ZNF500: variants seen among roughly 807,000 people sequenced by gnomAD.
ZNF500 encodes the protein zinc finger protein with KRAB and SCAN domains 18.
ZNF500 carries 31 observed loss-of-function variants against 30.1 expected under a neutral mutation model. The ratio of observed to expected loss-of-function variants is 1.03; its 90% CI spans 0.77 to 1.39. ZNF500 has a LOEUF of 1.39. Among genes scored for constraint, ZNF500 ranks in the 40% most tolerant of loss-of-function variants. The pLI is 0.00. For synonymous variants in ZNF500, 392 were observed against 282.0 expected (o/e 1.39, Z -3.91); for missense variants, 817 against 657.8 (o/e 1.24, Z -2.65).
intron 5 of ZNF500, among the ~76,000 whole-genome samples, chr16:4,753,622 G>C (rs1227957110): frequency 6.6e-6 from 1 of 152,230 alleles, no homozygotes; most frequent in African/African-American, 2.4e-5. Flanking sequence ...CTAAGTTACA[G>C]AGTGAGGGCC....
intron 1 of ZNF500, 68 bp from the exon 2 acceptor site, chr16:4,766,144 G>T (rs2082263377): frequency 1.3e-6 from 1 of 744,752 alleles, no homozygotes; most frequent in Non-Finnish European, 2.0e-6. Context: ...GGCCTGGGAA[G>T]CCCCTGCCCT....
chr16:4,762,240 G>C (rs61199915), intron 4 of ZNF500, 31 bp downstream of exon 4: 17 of 1,606,078 alleles, frequency 1.1e-5, no homozygotes, highest in Non-Finnish European at 1.3e-5. Context: ...CCAGACCCCA[G>C]GATGCTGCAG....
chr16:4,746,706 C>A, downstream of ZNF500: 1 of 841,998 alleles, frequency 1.2e-6, no homozygotes, highest in Non-Finnish European at 1.8e-6. Context: ...TGAGGCACAC[C>A]TCCTCGGGCT....
chr16:4,754,586 C>T (rs1231957297), intron 5 of ZNF500, among the ~76,000 whole-genome samples: 1 of 151,396 alleles, frequency 6.6e-6, no homozygotes, highest in Non-Finnish European at 1.5e-5. Context: ...ATCGCTTGAA[C>T]TCGGGAGGCA....
rs2082052282 is a variant in ZNF500, at chr16:4,748,968, G to A, written c.*3408C>T. 6.6e-6 allele frequency: 1 copy of A among 152,334 alleles called. No individual in the cohort carries two copies. The highest frequency in any genetic ancestry group is 1.5e-5 in the Non-Finnish European group (1 of 68,108). 9.4% of individuals were successfully genotyped at this position (152,334 alleles called of 1,614,324 possible). A position where few individuals can be genotyped will look rare whatever the true frequency, so the allele number is the denominator to read the frequency against. Reference sequence around the variant, plus strand: ...CCGTGGTCACTGGCCGCCAAGATCAGGGCTACAGATGTCTGCTCTCTGGAC... The same window carrying A: ...CCGTGGTCACTGGCCGCCAAGATCAAGGCTACAGATGTCTGCTCTCTGGAC... On this transcript the variant is annotated 3_prime_UTR_variant, in exon 6 of 6. Coordinates refer to ENST00000219478, the MANE Select transcript of ZNF500 (RefSeq NM_021646.4).
rs532303256 is a variant in ZNF500, at chr16:4,757,374, A to C, written c.760+3118T>G. Among the ~76,000 whole-genome samples, 10 of 150,406 alleles carry C rather than the reference A, an allele frequency of 6.6e-5. No homozygotes were observed. In the South Asian group the frequency reaches 2.1e-3, roughly 32 times the overall value. The stretch of plus-strand genomic sequence containing the variant: ...GTTGCCCAGGCTGGAGTGCAGTGGT[A>C]TGATCACAGCTTACTGCAGCCTTGA... On this transcript the variant is annotated intron_variant, in intron 5 of 5. Transcript: ENST00000219478.
chr16:4,752,553 C>A lies in ZNF500; in HGVS notation c.1266G>T (p.Ser422=), dbSNP rs374416499. The change falls in exon 6 of 6, where the codon TCG becomes TCT. Residue 422 remains serine (S), a synonymous_variant. Coordinates refer to ENST00000219478, the MANE Select transcript of ZNF500 (RefSeq NM_021646.4). ...TQCGKRFNNS[S]HFSAHRRTHT... ...GCGTCCGGCGGTGGGCGCTGAAGTGCGAGCTGTTGTTGAAGCGCTTCCCGC... is the reference window on the plus strand; with the variant it reads ...GCGTCCGGCGGTGGGCGCTGAAGTGAGAGCTGTTGTTGAAGCGCTTCCCGC... 1 of 1,571,622 alleles carries A rather than the reference C, an allele frequency of 6.4e-7. No homozygotes were observed. Among genetic ancestry groups the A allele is most frequent in the Non-Finnish European group, 8.6e-7 (1 of 1,162,122 alleles).
chr16:4,761,132 G>A (rs2082194443), intron 4 of ZNF500, among the ~76,000 whole-genome samples: 1 of 152,100 alleles, frequency 6.6e-6, no homozygotes, highest in African/African-American at 2.4e-5. Context: ...GGGGTTTTCG[G>A]GGAGGGTCTA....
At chr16:4,744,797 T>C (rs1328911485), downstream of ZNF500, 27 of 1,523,684 alleles carry the variant, frequency 1.8e-5, no homozygotes, top group Admixed American at 4.6e-4. Flanking sequence ...CCAGGGGTCC[T>C]GAGGCTCCAG....
intron 4 of ZNF500, among the ~76,000 whole-genome samples, chr16:4,761,474 TACATACACACACACAC>T (rs1420062262): frequency 8.7e-5 from 3 of 34,408 alleles, no homozygotes; most frequent in Admixed American, 7.6e-4. Context: ...CAAATACACA[TACATACACACACACAC>T]ACACACACAC....
chr16:4,752,054 A>C lies in ZNF500; in HGVS notation c.*322T>G. 7.7e-7 allele frequency: 1 copy of C among 1,293,352 alleles called. No homozygotes were observed. The highest frequency in any genetic ancestry group is 9.8e-7 in the Non-Finnish European group (1 of 1,020,864). 80.1% of individuals were successfully genotyped at this position (1,293,352 alleles called of 1,614,324 possible). A position where few individuals can be genotyped will look rare whatever the true frequency, so the allele number is the denominator to read the frequency against. On this transcript the variant is annotated 3_prime_UTR_variant, in exon 6 of 6. Transcript: ENST00000219478. ...CTGGAGGCAGCTGATGGACCCTCCC[A>C]GGCCCTTCAGGAGCCAGCCCCACGA...
rs1026388208 is a variant in ZNF500, at chr16:4,751,887, G to A, written c.*489C>T. 2.1e-5 allele frequency: 5 copies of A among 239,970 alleles called. No individual in the cohort carries two copies. Among genetic ancestry groups the A allele is most frequent in the African/African-American group, 7.6e-5 (3 of 39,606 alleles). 14.9% of individuals were successfully genotyped at this position (239,970 alleles called of 1,614,324 possible). A position where few individuals can be genotyped will look rare whatever the true frequency, so the allele number is the denominator to read the frequency against. ...CATGGCACTGTATTCCCGCCTGGGGGACACAGCAAGGCCCCGTCTCAAAAA... is the reference window on the plus strand; with the variant it reads ...CATGGCACTGTATTCCCGCCTGGGGAACACAGCAAGGCCCCGTCTCAAAAA... On this transcript the variant is annotated 3_prime_UTR_variant, in exon 6 of 6. Coordinates refer to ENST00000219478, the MANE Select transcript of ZNF500 (RefSeq NM_021646.4).
At chr16:4,755,820 G>A (rs529205640) in intron 5 of ZNF500, among the ~76,000 whole-genome samples, 32 of 152,222 alleles carry the variant, frequency 2.1e-4, no homozygotes, top group African/African-American at 5.8e-4. Context: ...GTCCATCAAC[G>A]AAAATGGATC....
Position 4,750,458 on chromosome 16 carries a change from G to C in ZNF500, c.*1918C>G, listed in dbSNP as rs1317975934. 6.6e-6 allele frequency: 1 copy of C among 151,994 alleles called. No individual in the cohort carries two copies. The highest frequency in any genetic ancestry group is 1.5e-5 in the Non-Finnish European group (1 of 68,084). The allele number at this position is 151,994 out of a possible 1,614,324, so 9.4% of individuals were successfully genotyped here. On this transcript the variant is annotated 3_prime_UTR_variant, in exon 6 of 6. Transcript: ENST00000219478. ...TCCTCCAGCCTCAGCCTCTCAAGTA[G>C]CTGGGACTACAGGCACACCCCATCA... is the stretch of plus-strand genomic sequence containing the variant.
chr16:4,757,523 C>T (rs557601104), intron 5 of ZNF500, among the ~76,000 whole-genome samples: 7 of 152,112 alleles, frequency 4.6e-5, no homozygotes, highest in Non-Finnish European at 1.0e-4. Context: ...TGGTCTTGAA[C>T]TCCTGGACTC....
intron 5 of ZNF500, among the ~76,000 whole-genome samples, chr16:4,754,119 C>T (rs1467391758): frequency 6.6e-6 from 1 of 152,180 alleles, no homozygotes; most frequent in Non-Finnish European, 1.5e-5. Context: ...GCCTGGGGGG[C>T]TGGGGGAGCA....
intron 5 of ZNF500, 187 bp from the exon 6 acceptor site, chr16:4,753,245 G>C: frequency 9.1e-6 from 11 of 1,210,928 alleles, no homozygotes; most frequent in Non-Finnish European, 1.2e-5. Flanking sequence ...AGGATTGCTT[G>C]AGCCCAGGAG....
At chr16:4,759,444 A>T (rs1260217195) in intron 5 of ZNF500, among the ~76,000 whole-genome samples, 1 of 152,116 alleles carries the variant, frequency 6.6e-6, no homozygotes, top group Non-Finnish European at 1.5e-5. Context: ...ACACTTGTAC[A>T]CCCACGTTCA....
At chr16:4,756,440 T>C (rs2082135517) in intron 5 of ZNF500, 1 of 151,826 alleles carries the variant, frequency 6.6e-6, no homozygotes, top group South Asian at 2.1e-4. Flanking sequence ...GCCGAGATCA[T>C]GCCACTGCAA....
Sources: gnomAD v4.1 joint callset for allele counts (sites outside exome capture counted in the v4.1 genomes callset) on GRCh38, gnomAD v4.1.1 for gene constraint, MANE v1.5 for transcripts, NCBI Gene and HGNC (gene_info 2026-07-23, HGNC 2026-07-21) for gene names.